Variants in L3MBTL4 observed in about 807,000 individuals in gnomAD.
The protein encoded by L3MBTL4 is lethal(3)malignant brain tumor-like protein 4.
L3MBTL4 carries 70 observed loss-of-function variants against 84.5 expected under a neutral mutation model. That is an observed-to-expected ratio of 0.83 (90% CI 0.68 to 1.01). The LOEUF is 1.01. L3MBTL4 is among the 50% of genes least tolerant of loss of function. The probability of loss-of-function intolerance (pLI) is 0.00; values close to 1 mark genes in which losing one functional copy is unlikely to be tolerated. For missense variants in L3MBTL4, 715 were observed against 754.8 expected (o/e 0.95, Z 0.62); for synonymous variants, 274 against 259.8 (o/e 1.05, Z -0.52).
At chr18:6,287,177 G>T (rs2049632498) in intron 4 of L3MBTL4, among the ~76,000 whole-genome samples, 1 of 152,070 alleles carries the variant, frequency 6.6e-6, no homozygotes, top group South Asian at 2.1e-4. Context: ...AAGTTGAAAG[G>T]CATGCCAAGA....
intron 4 of L3MBTL4, among the ~76,000 whole-genome samples, chr18:6,270,806 G>C (rs958019750): frequency 3.9e-5 from 6 of 152,222 alleles, no homozygotes; most frequent in African/African-American, 1.4e-4. Flanking sequence ...CTTCCTCAAA[G>C]TTGGCCTAGC....
intron 16 of L3MBTL4, among the ~76,000 whole-genome samples, chr18:6,065,997 A>G (rs1598618467): frequency 6.6e-6 from 1 of 152,176 alleles, no homozygotes; most frequent in Non-Finnish European, 1.5e-5. Context: ...ATTTAATACT[A>G]TGAACTTTCC....
chr18:6,215,248 T>C (rs1253749799), intron 11 of L3MBTL4, among the ~76,000 whole-genome samples: 2 of 152,232 alleles, frequency 1.3e-5, no homozygotes, highest in African/African-American at 4.8e-5. Context: ...AATTAATTTA[T>C]ACTTAGTTCA....
At chr18:6,410,886 C>A (rs1289994056) in intron 1 of L3MBTL4, among the ~76,000 whole-genome samples, 2 of 152,154 alleles carry the variant, frequency 1.3e-5, no homozygotes, top group African/African-American at 4.8e-5. Context: ...CTGAGATCAA[C>A]ACAAAATGAA....
intron 4 of L3MBTL4, among the ~76,000 whole-genome samples, chr18:6,293,076 A>G (rs529867282): frequency 6.6e-6 from 1 of 152,362 alleles, no homozygotes; most frequent in South Asian, 2.1e-4. Flanking sequence ...TATAGTGTAT[A>G]CCCCAACTAT....
chr18:6,300,480 C>T (rs905779861), intron 4 of L3MBTL4, among the ~76,000 whole-genome samples: 16 of 152,168 alleles, frequency 1.1e-4, no homozygotes, highest in Admixed American at 2.0e-4. Context: ...TCTGTTAAAA[C>T]TGAAAAGCTT....
intron 16 of L3MBTL4, among the ~76,000 whole-genome samples, chr18:6,009,804 G>A (rs1285799562): frequency 6.6e-6 from 1 of 152,102 alleles, no homozygotes; most frequent in African/African-American, 2.4e-5. Flanking sequence ...GGACACAAAC[G>A]GCTTCCTGTA....
At chr18:6,411,721 A>G (rs1189979669) in intron 1 of L3MBTL4, among the ~76,000 whole-genome samples, 1 of 152,108 alleles carries the variant, frequency 6.6e-6, no homozygotes, top group Non-Finnish European at 1.5e-5. Flanking sequence ...ACCCTAACAC[A>G]TGCTTTTTAG....
At chr18:6,331,781 A>T (rs2143167146) in intron 1 of L3MBTL4, among the ~76,000 whole-genome samples, 1 of 152,246 alleles carries the variant, frequency 6.6e-6, no homozygotes, top group East Asian at 1.9e-4. Flanking sequence ...ATCTGTAGGT[A>T]TGTCAAATAA....
chr18:6,376,943 C>T (rs940501203), intron 1 of L3MBTL4, among the ~76,000 whole-genome samples: 2 of 152,142 alleles, frequency 1.3e-5, no homozygotes, highest in African/African-American at 4.8e-5. Flanking sequence ...AAAGGTGATA[C>T]ACAGTGCCAA....
intron 16 of L3MBTL4, among the ~76,000 whole-genome samples, chr18:6,007,931 G>T (rs1285878275): frequency 6.6e-6 from 1 of 152,190 alleles, no homozygotes; most frequent in African/African-American, 2.4e-5. Flanking sequence ...TACTAAGTTT[G>T]CTTGCTTATG....
At chr18:6,150,388 C>T (rs1255956853) in intron 13 of L3MBTL4, among the ~76,000 whole-genome samples, 1 of 151,998 alleles carries the variant, frequency 6.6e-6, no homozygotes, top group East Asian at 1.9e-4. Context: ...TGCTTTTGGG[C>T]ATTCTTAACA....
intron 14 of L3MBTL4, among the ~76,000 whole-genome samples, chr18:6,095,263 A>G (rs1248118681): frequency 1.3e-5 from 2 of 152,130 alleles, no homozygotes; most frequent in African/African-American, 2.4e-5. Flanking sequence ...CAACTTTACC[A>G]AGGCCTTGTG....
intron 13 of L3MBTL4, among the ~76,000 whole-genome samples, chr18:6,164,159 G>T (rs1374613349): frequency 6.6e-6 from 1 of 152,244 alleles, no homozygotes; most frequent in East Asian, 1.9e-4. Context: ...GCAGAGGCTT[G>T]AGTAGGTAAA....
intron 1 of L3MBTL4, among the ~76,000 whole-genome samples, chr18:6,340,541 G>A (rs1478225092): frequency 6.6e-6 from 1 of 152,176 alleles, no homozygotes; most frequent in Non-Finnish European, 1.5e-5. Flanking sequence ...GAGGGGATGA[G>A]TACAATAGCA....
intron 16 of L3MBTL4, chr18:6,031,686 C>A: frequency 2.0e-6 from 2 of 985,184 alleles, no homozygotes; most frequent in Non-Finnish European, 2.4e-6. Context: ...AGCAGGTCAG[C>A]CCCAGCACGG....
At chr18:6,171,132 G>A (rs983803964) in intron 13 of L3MBTL4, among the ~76,000 whole-genome samples, 1 of 152,186 alleles carries the variant, frequency 6.6e-6, no homozygotes, top group Non-Finnish European at 1.5e-5. Context: ...AAGCATTCTA[G>A]CTTCATGCTA....
chr18:6,367,312 T>C lies in L3MBTL4; in HGVS notation c.-91+47489A>G, dbSNP rs1401260051. 2.0e-5 allele frequency: 3 copies of C among 152,294 alleles called. No individual in the cohort carries two copies. In the East Asian group the frequency reaches 5.8e-4, roughly 29 times the overall value. 9.4% of individuals were successfully genotyped at this position (152,294 alleles called of 1,614,324 possible). A position where few individuals can be genotyped will look rare whatever the true frequency, so the allele number is the denominator to read the frequency against. On this transcript the variant is annotated intron_variant, in intron 1 of 18. Coordinates refer to ENST00000317931, the MANE Select transcript of L3MBTL4 (RefSeq NM_001330559.2). ...AGCCTCACAGACACTCCTGTTACCA[T>C]TGCCATTACCTCACTTTAAAATAAA... is the stretch of plus-strand genomic sequence containing the variant.
At chr18:6,364,507 G>C (rs1326403947) in intron 1 of L3MBTL4, among the ~76,000 whole-genome samples, 1 of 152,012 alleles carries the variant, frequency 6.6e-6, no homozygotes, top group African/African-American at 2.4e-5. Flanking sequence ...ATAGAGAACA[G>C]AGAGTCCACA....
Sources: gnomAD v4.1 joint callset for allele counts (sites outside exome capture counted in the v4.1 genomes callset) on GRCh38, gnomAD v4.1.1 for gene constraint, MANE v1.5 for transcripts, NCBI Gene and HGNC (gene_info 2026-07-23, HGNC 2026-07-21) for gene names.